TMEM132C: variants seen among roughly 807,000 people sequenced by gnomAD.
TMEM132C encodes transmembrane protein 132C.
TMEM132C carries 29 observed loss-of-function variants against 61.4 expected under a neutral mutation model. The observed-to-expected ratio is 0.47, with a 90% CI of 0.35 to 0.64. The LOEUF is 0.64. Among genes scored for constraint, TMEM132C ranks in the 30% least tolerant of loss-of-function variants. TMEM132C has a pLI of 0.00. For synonymous variants in TMEM132C, 656 were observed against 633.1 expected (o/e 1.04, Z -0.54); for missense variants, 1,408 against 1,476.9 (o/e 0.95, Z 0.76).
rs963992961 is a variant in TMEM132C, at chr12:128,705,438, C to T, written c.2470C>T (p.Arg824Cys). 86 of 1,550,856 alleles carry T rather than the reference C, an allele frequency of 5.5e-5. No individual in the cohort carries two copies. Among genetic ancestry groups the T allele is most frequent in the Middle Eastern group, 1.7e-4 (1 of 6,012 alleles). Residue 824 changes from arginine (R) to cysteine (C), a missense_variant, in exon 9 of 9, where the codon CGC becomes TGC. By Grantham distance (180) the Arg-to-Cys change is radical (BLOSUM62 -3). Transcript: ENST00000435159. ...TGAGATCAAGAACCACGCCAGCGAC[C>T]GCCGGCAGAAGGGCCAGCACCATGA... ...EDEIKNHASD[R>C]RQKGQHHERT...
intron 4 of TMEM132C, among the ~76,000 whole-genome samples, chr12:128,622,353 AAAAAAAAAT>A (rs1484332831): frequency 4.6e-5 from 3 of 65,396 alleles, no homozygotes; most frequent in African/African-American, 2.3e-4. Context: ...CAAAAAAAAA[AAAAAAAAAT>A]ATATATATAT....
Position 128,665,101 on chromosome 12 carries a change from GCA to G in TMEM132C, c.1306-4307_1306-4306del, listed in dbSNP as rs967763165. Among the ~76,000 whole-genome samples the G allele has an allele frequency of 3.1e-5, 4 of 129,876 alleles. 1 individual carries two copies. The highest frequency in any genetic ancestry group is 2.3e-4 in the Admixed American group (3 of 13,192). The allele number at this position is 129,876 out of a possible 152,430, so 85.2% of individuals were successfully genotyped here. On this transcript the variant is annotated intron_variant, in intron 4 of 8. Coordinates refer to ENST00000435159, the MANE Select transcript of TMEM132C (RefSeq NM_001136103.3). ...AACACAGGCACTCACACATACACAG[GCA>G]CACACACAGGCACTCACACACACAT...
intron 2 of TMEM132C, among the ~76,000 whole-genome samples, chr12:128,493,174 A>C (rs1396824948): frequency 6.6e-6 from 1 of 152,088 alleles, no homozygotes; most frequent in Non-Finnish European, 1.5e-5. Flanking sequence ...GTGTAGTATT[A>C]TTTCTGAGGG....
At position 128,528,071 on chromosome 12, in the gene TMEM132C, G is replaced by A. The variant is rs950152147; in HGVS notation, c.975-15886G>A. Among the ~76,000 whole-genome samples the A allele has an allele frequency of 2.6e-5, 4 of 152,198 alleles. No homozygotes were observed. In the East Asian group the frequency reaches 7.7e-4, roughly 29 times the overall value. ...GCAATATTAATGAGAAATGTCAGCTGTTGCTATCGTTGTTACGATTGGACA... is the reference window on the plus strand; with the variant it reads ...GCAATATTAATGAGAAATGTCAGCTATTGCTATCGTTGTTACGATTGGACA... On this transcript the variant is annotated intron_variant, in intron 2 of 8. Coordinates refer to ENST00000435159, the MANE Select transcript of TMEM132C (RefSeq NM_001136103.3).
intron 1 of TMEM132C, among the ~76,000 whole-genome samples, chr12:128,360,069 A>G (rs968385320): frequency 2.6e-4 from 40 of 152,182 alleles, no homozygotes; most frequent in African/African-American, 9.6e-4. Flanking sequence ...TTCCACAGGT[A>G]TTTATTGTTT....
rs185592106 is a variant in TMEM132C, at chr12:128,534,116, T to C, written c.975-9841T>C. Among the ~76,000 whole-genome samples, 88 of 152,308 alleles carry C rather than the reference T, an allele frequency of 5.8e-4. No homozygotes were observed. The Middle Eastern group carries it at 0.01, about 18-fold the overall frequency. On this transcript the variant is annotated intron_variant, in intron 2 of 8. Transcript: ENST00000435159. ...GAAATTAGGCTTCCTGTGTTCAAAA[T>C]TTGTACTGAACATTGATTTTCCTTA... is the stretch of plus-strand genomic sequence containing the variant.
intron 1 of TMEM132C, among the ~76,000 whole-genome samples, chr12:128,298,150 C>A (rs1412946567): frequency 6.6e-6 from 1 of 152,198 alleles, no homozygotes; most frequent in Non-Finnish European, 1.5e-5. Context: ...TGCCAGAGAG[C>A]ACCTGTGAGA....
chr12:128,455,228 A>G (rs531358950), intron 2 of TMEM132C, among the ~76,000 whole-genome samples: 87 of 152,340 alleles, frequency 5.7e-4, no homozygotes, highest in Non-Finnish European at 1.0e-3. Context: ...TGCTGGGTAA[A>G]TAAATCATGG....
chr12:128,506,182 A>G (rs555083247), intron 2 of TMEM132C, among the ~76,000 whole-genome samples: 12 of 152,208 alleles, frequency 7.9e-5, no homozygotes, highest in Non-Finnish European at 1.8e-4. Flanking sequence ...ACACGTCTCT[A>G]GACATCATGC....
At chr12:128,379,513 C>T (rs961593466) in intron 1 of TMEM132C, among the ~76,000 whole-genome samples, 3 of 152,226 alleles carry the variant, frequency 2.0e-5, no homozygotes, top group Non-Finnish European at 4.4e-5. Flanking sequence ...GCTGCACCCA[C>T]TCCAGAGGCG....
chr12:128,411,726 G>A (rs1039340176), intron 1 of TMEM132C, among the ~76,000 whole-genome samples: 3 of 152,168 alleles, frequency 2.0e-5, no homozygotes, highest in Non-Finnish European at 2.9e-5. Flanking sequence ...ATTGAGGACA[G>A]AGTTAAGAAA....
intron 4 of TMEM132C, among the ~76,000 whole-genome samples, chr12:128,664,178 G>T (rs572511752): frequency 9.4e-6 from 1 of 106,466 alleles, no homozygotes; most frequent in Non-Finnish European, 1.9e-5. Flanking sequence ...GCACCCACAC[G>T]CATGCACGCA....
At chr12:128,409,436 T>C (rs1470620498) in intron 1 of TMEM132C, among the ~76,000 whole-genome samples, 1 of 152,074 alleles carries the variant, frequency 6.6e-6, no homozygotes, top group Non-Finnish European at 1.5e-5. Context: ...CACAGCGGGC[T>C]CAGTGTAGGA....
At chr12:128,277,310 G>A (rs1279750121) in intron 1 of TMEM132C, among the ~76,000 whole-genome samples, 1 of 152,176 alleles carries the variant, frequency 6.6e-6, no homozygotes, top group Non-Finnish European at 1.5e-5. Flanking sequence ...GACAGTTTCT[G>A]TTTCTCCCAA....
intron 1 of TMEM132C, among the ~76,000 whole-genome samples, chr12:128,282,995 T>A (rs1315074838): frequency 6.6e-6 from 1 of 152,222 alleles, no homozygotes; most frequent in Non-Finnish European, 1.5e-5. Context: ...GCTGGGCTTC[T>A]CTACTGTGAG....
At chr12:128,489,547 A>G (rs1289017388) in intron 2 of TMEM132C, among the ~76,000 whole-genome samples, 4 of 125,000 alleles carry the variant, frequency 3.2e-5, no homozygotes, top group Admixed American at 1.6e-4. Flanking sequence ...CCTCCATTAT[A>G]TATTTTTATA....
At chr12:128,682,162 T>C (rs1954640655) in intron 5 of TMEM132C, among the ~76,000 whole-genome samples, 1 of 152,168 alleles carries the variant, frequency 6.6e-6, no homozygotes, top group Non-Finnish European at 1.5e-5. Flanking sequence ...ATGATTTCAC[T>C]CTTCTGGCTG....
chr12:128,469,790 A>G (rs958076830), intron 2 of TMEM132C, among the ~76,000 whole-genome samples: 2 of 150,822 alleles, frequency 1.3e-5, no homozygotes, highest in Admixed American at 6.6e-5. Context: ...ATAAATGTGT[A>G]TATGCATTTA....
chr12:128,403,416 C>T (rs1019337043), intron 1 of TMEM132C, among the ~76,000 whole-genome samples: 7 of 152,150 alleles, frequency 4.6e-5, no homozygotes, highest in African/African-American at 1.7e-4. Context: ...GAAAAGAGCC[C>T]ACTTCCCTTA....
Sources: allele counts gnomAD v4.1 joint callset (sites outside exome capture counted in the v4.1 genomes callset), GRCh38; gene constraint gnomAD v4.1.1; transcripts MANE v1.5; gene names NCBI Gene and HGNC (gene_info 2026-07-23, HGNC 2026-07-21).